LAMA4: variants seen among roughly 807,000 people sequenced by gnomAD.
The protein encoded by LAMA4 is laminin subunit alpha-4.
A neutral mutation model predicts 207.1 loss-of-function variants in LAMA4; 127 were observed. That is an observed-to-expected ratio of 0.61 (90% CI 0.53 to 0.71). The LOEUF (loss-of-function observed/expected upper bound fraction) is 0.71, where lower values mean the gene tolerates loss of function less well. Ranked by LOEUF, LAMA4 falls within the 30% of genes least tolerant of loss-of-function variation. The pLI is 0.00. For synonymous variants in LAMA4, 761 were observed against 816.0 expected (o/e 0.93, Z 1.15); for missense variants, 2,093 against 2,246.5 (o/e 0.93, Z 1.38).
intron 8 of LAMA4, among the ~76,000 whole-genome samples, chr6:112,187,142 G>C (rs117112795): frequency 6.6e-6 from 1 of 152,192 alleles, no homozygotes; most frequent in African/African-American, 2.4e-5. Context: ...GTATGGCTGC[G>C]CCAAGGAAAT....
chr6:112,142,172 G>C lies in LAMA4; in HGVS notation c.2614C>G (p.Pro872Ala), dbSNP rs180931319. ...TGATCTGCAGTCTCGGTCAGTTCCGGCCGCTTCACAGGGGGTTTCATGTAC... is the reference window on the plus strand; with the variant it reads ...TGATCTGCAGTCTCGGTCAGTTCCGCCCGCTTCACAGGGGGTTTCATGTAC... Reference protein sequence around the residue: ...SLYMKPPVKRPELTETADQFI... With the variant: ...SLYMKPPVKRAELTETADQFI... The change falls in exon 20 of 39, where the codon CCG (proline) becomes GCG (alanine). Residue 872 changes from proline (P) to alanine (A), a missense_variant. Pro to Ala is a conservative substitution (Grantham distance 27). Around this residue, in one of 3 missense-constraint regions of LAMA4, gnomAD observed 1,704 missense variants for 1,788.4 expected, o/e 0.95. Transcript: ENST00000230538. The C allele has an allele frequency of 1.6e-4, 261 of 1,614,100 alleles. 1 individual carries two copies. Among genetic ancestry groups the C allele is most frequent in the Non-Finnish European group, 7.7e-5 (91 of 1,180,002 alleles).
In LAMA4 at chr6:112,139,938, A is replaced by C. The variant is rs1452920763; in HGVS notation, c.2977-53T>G. 8 of 1,566,928 alleles carry C rather than the reference A, an allele frequency of 5.1e-6. No homozygotes were observed. In the Admixed American group the frequency reaches 1.3e-4, roughly 26 times the overall value. ...TGTCTCATGGTCATATTTTACTCAGACATCACAGAACAGACAATGCAACTA... is the reference window on the plus strand; with the variant it reads ...TGTCTCATGGTCATATTTTACTCAGCCATCACAGAACAGACAATGCAACTA... On this transcript the variant is annotated intron_variant, in intron 22 of 38. Coordinates refer to ENST00000230538, the MANE Select transcript of LAMA4 (RefSeq NM_001105206.3).
intron 3 of LAMA4, among the ~76,000 whole-genome samples, chr6:112,208,816 A>C (rs140021942): frequency 6.6e-6 from 1 of 152,350 alleles, no homozygotes; most frequent in African/African-American, 2.4e-5. Flanking sequence ...AGCAATCTTT[A>C]GTCCCTGATT....
intron 31 of LAMA4, among the ~76,000 whole-genome samples, chr6:112,123,064 G>A (rs1778455627): frequency 6.6e-6 from 1 of 152,154 alleles, no homozygotes; most frequent in African/African-American, 2.4e-5. Context: ...AAACAGGTTG[G>A]TGCCAGATAG....
chr6:112,168,197 C>CA lies in LAMA4; in HGVS notation c.1552-2922dup, dbSNP rs540870021. Reference sequence around the variant, plus strand: ...TGGGCAACAGAGCGAGACTCCGTCTCAAAAAAAAAAAAAAAAGGAGTGACT... The same window carrying CA: ...TGGGCAACAGAGCGAGACTCCGTCTCAAAAAAAAAAAAAAAAAGGAGTGACT... On this transcript the variant is annotated intron_variant, in intron 12 of 38. Coordinates refer to ENST00000230538, the MANE Select transcript of LAMA4 (RefSeq NM_001105206.3). Among the ~76,000 whole-genome samples the CA allele has an allele frequency of 8.5e-3, 555 of 64,992 alleles. 1 individual carries two copies. The highest frequency in any genetic ancestry group is 0.014 in the East Asian group (29 of 2,056). 42.6% of individuals were successfully genotyped at this position (64,992 alleles called of 152,430 possible). A position where few individuals can be genotyped will look rare whatever the true frequency, so the allele number is the denominator to read the frequency against.
chr6:112,155,577 G>A lies in LAMA4; in HGVS notation c.1947C>T (p.Asp649=). The change falls in exon 15 of 39, where the codon GAC becomes GAT. Residue 649 remains aspartate, a synonymous_variant. Transcript: ENST00000230538. The stretch of plus-strand genomic sequence containing the variant: ...AGGGAATACTCACATCATAAATTCG[G>A]TCAGTGGTGTTCAAAGCAAATTCTG... The part of the protein sequence containing the change: ...ETAEFALNTT[D]RIYDAVSGID... 2 of 1,614,136 alleles carry A rather than the reference G, an allele frequency of 1.2e-6. No homozygotes were observed. The highest frequency in any genetic ancestry group is 1.7e-6 in the Non-Finnish European group (2 of 1,179,984).
At chr6:112,163,613 C>A (rs976388398) in intron 13 of LAMA4, among the ~76,000 whole-genome samples, 1 of 152,000 alleles carries the variant, frequency 6.6e-6, no homozygotes, top group Admixed American at 6.5e-5. Flanking sequence ...GGGGATGGAA[C>A]CCCCTTCAGA....
intron 2 of LAMA4, among the ~76,000 whole-genome samples, chr6:112,223,333 TA>T (rs1562751809): frequency 6.6e-6 from 1 of 152,178 alleles, no homozygotes; most frequent in Non-Finnish European, 1.5e-5. Context: ...TATAGGCATT[TA>T]GGGGATTTTG....
chr6:112,187,339 C>A, intron 8 of LAMA4, 111 bp downstream of exon 8: 1 of 1,246,036 alleles, frequency 8.0e-7, no homozygotes, highest in Non-Finnish European at 1.2e-6. Context: ...GTCTAACAAC[C>A]TGTAATACAG....
At chr6:112,170,831 T>C (rs1781666951) in intron 12 of LAMA4, among the ~76,000 whole-genome samples, 3 of 152,090 alleles carry the variant, frequency 2.0e-5, no homozygotes, top group Admixed American at 2.0e-4. Flanking sequence ...ATAGGGTAGG[T>C]CTCCTGGAGG....
chr6:112,148,378 G>A (rs782149793), intron 17 of LAMA4, 42 bp from the exon 18 acceptor site: 25 of 1,605,490 alleles, frequency 1.6e-5, no homozygotes, highest in Middle Eastern at 1.8e-4. Flanking sequence ...CAGAGAAGCC[G>A]GATATTTGTT....
At chr6:112,223,176 G>A (rs1785019827) in intron 2 of LAMA4, among the ~76,000 whole-genome samples, 1 of 151,930 alleles carries the variant, frequency 6.6e-6, no homozygotes, top group African/African-American at 2.4e-5. Flanking sequence ...CTCTGATGCT[G>A]CCAGATTTTT....
In LAMA4 at chr6:112,139,269, T is replaced by A. The variant is rs1554332409; in HGVS notation, c.3133A>T (p.Ser1045Cys). ...CARDKLAFTQ[S>C]RAASYFFDGS... Reference sequence around the variant, plus strand: ...TCGAAGAAGTAACTGGCAGCCCGACTCTGAGTGAAGGCCAGCTTATCTCTG... The same window carrying A: ...TCGAAGAAGTAACTGGCAGCCCGACACTGAGTGAAGGCCAGCTTATCTCTG... Residue 1045 changes from serine (S) to cysteine (C), a missense_variant, in exon 24 of 39, where the codon AGT becomes TGT. Around this residue, in one of 3 missense-constraint regions of LAMA4, gnomAD observed 1,704 missense variants for 1,788.4 expected, o/e 0.95. Coordinates refer to ENST00000230538, the MANE Select transcript of LAMA4 (RefSeq NM_001105206.3). 1.2e-6 allele frequency: 2 copies of A among 1,614,176 alleles called. No homozygotes were observed. Among genetic ancestry groups the A allele is most frequent in the Non-Finnish European group, 1.7e-6 (2 of 1,180,006 alleles).
At chr6:112,177,997 A>G (rs1782121786) in intron 10 of LAMA4, 124 bp downstream of exon 10, 1 of 753,836 alleles carries the variant, frequency 1.3e-6, no homozygotes. Flanking sequence ...GTTTAAACCT[A>G]TAATACTGTA....
At chr6:112,160,987 C>T (rs1371468480) in intron 13 of LAMA4, among the ~76,000 whole-genome samples, 1 of 152,246 alleles carries the variant, frequency 6.6e-6, no homozygotes, top group Non-Finnish European at 1.5e-5. Context: ...CATCAATTCT[C>T]ATGACCCCCA....
At chr6:112,191,291 C>T (rs7745663) in intron 6 of LAMA4, among the ~76,000 whole-genome samples, 1 of 151,790 alleles carries the variant, frequency 6.6e-6, no homozygotes, top group Non-Finnish European at 1.5e-5. Context: ...CTGAACCATG[C>T]AAGATTTCAT....
At chr6:112,124,019 G>A (rs1554326815) in intron 31 of LAMA4, among the ~76,000 whole-genome samples, 1 of 152,124 alleles carries the variant, frequency 6.6e-6, no homozygotes, top group Admixed American at 6.5e-5. Context: ...TAACTCTAAT[G>A]TCTTAGGAAA....
chr6:112,147,622 A>G (rs1238584085), intron 18 of LAMA4, among the ~76,000 whole-genome samples: 4 of 152,170 alleles, frequency 2.6e-5, no homozygotes, highest in Admixed American at 2.6e-4. Context: ...ACATGAAAAT[A>G]TTTCATTTTC....
intron 17 of LAMA4, among the ~76,000 whole-genome samples, chr6:112,149,892 T>A (rs545894854): frequency 1.4e-4 from 22 of 152,316 alleles, no homozygotes; most frequent in African/African-American, 5.1e-4. Flanking sequence ...GCACTAGTTT[T>A]TTAACTTTCA....
Sources: allele counts gnomAD v4.1 joint callset (sites outside exome capture counted in the v4.1 genomes callset), GRCh38; gene constraint gnomAD v4.1.1; regional missense constraint gnomAD v4.1.1; transcripts MANE v1.5; gene names NCBI Gene and HGNC (gene_info 2026-07-23, HGNC 2026-07-21).